Variants in BMPR2 observed in about 807,000 individuals in gnomAD.
The protein encoded by BMPR2 is bone morphogenetic protein receptor type-2.
A neutral mutation model predicts 100.8 loss-of-function variants in BMPR2; 29 were observed. The ratio of observed to expected loss-of-function variants is 0.29; its 90% CI spans 0.21 to 0.39. The LOEUF is 0.39. BMPR2 is among the 10% of genes least tolerant of loss of function. BMPR2 has a pLI of 1.00. For missense variants in BMPR2, 1,011 were observed against 1,274.5 expected, an observed-to-expected ratio of 0.79 and a Z score of 3.15; for synonymous variants, 382 against 442.3, an observed-to-expected ratio of 0.86 and a Z score of 1.71.
At position 202,559,677 on chromosome 2, in the gene BMPR2, T is replaced by G. The variant is rs1176690762; in HGVS notation, c.2867-19T>G. On this transcript the variant is annotated intron_variant, in intron 12 of 12. Coordinates refer to ENST00000374580, the MANE Select transcript of BMPR2 (RefSeq NM_001204.7). ...TTAAGTTTGTTAAATAGCTCATTTT[T>G]CTGCACTTTTATTTTCAGTAGGTGA... is the stretch of plus-strand genomic sequence containing the variant. The G allele has an allele frequency of 1.2e-6, 2 of 1,613,468 alleles. No homozygotes were observed. The highest frequency in any genetic ancestry group is 4.5e-5 in the East Asian group (2 of 44,882).
chr2:202,511,352 A>G (rs1687620171), intron 3 of BMPR2, among the ~76,000 whole-genome samples: 1 of 152,192 alleles, frequency 6.6e-6, no homozygotes, highest in Admixed American at 6.5e-5. Flanking sequence ...GGGTGTTGTA[A>G]ATAGTGATGC....
rs1295457686 is a variant in BMPR2 at position 202,567,446 on chromosome 2, C to T, written c.*7500C>T. The T allele has an allele frequency of 6.6e-6, 1 of 152,544 alleles. No individual in the cohort carries two copies. Among genetic ancestry groups the T allele is most frequent in the Non-Finnish European group, 1.5e-5 (1 of 68,028 alleles). The allele number at this position is 152,544 out of a possible 1,614,324, so 9.4% of individuals were successfully genotyped here. ...TTCAGTTATTTTGCTTTTGTATAAG[C>T]TGTCTGAAGCCTTGCTATGCTGTAT... On this transcript the variant is annotated 3_prime_UTR_variant, in exon 13 of 13. Transcript: ENST00000374580.
At chr2:202,413,003 T>G (rs1157213674) in intron 1 of BMPR2, among the ~76,000 whole-genome samples, 1 of 152,216 alleles carries the variant, frequency 6.6e-6, no homozygotes, top group Non-Finnish European at 1.5e-5. Flanking sequence ...TCACTGAAAT[T>G]TATTTGTAAC....
chr2:202,467,627 G>A lies in BMPR2; in HGVS notation c.356G>A (p.Ser119Asn). The change falls in exon 3 of 13, where the codon AGC becomes AAC. Residue 119 changes from serine (S) to asparagine (N), a missense_variant. Physicochemically the swap from Ser to Asn is conservative, Grantham distance 46. Coordinates refer to ENST00000374580, the MANE Select transcript of BMPR2 (RefSeq NM_001204.7). ...GGAACATACCGTTTCTGCTGTTGTA[G>A]CACAGATTTATGTAATGTCAACTTT... is the stretch of plus-strand genomic sequence containing the variant. ...QNGTYRFCCC[S>N]TDLCNVNFTE... 1 of 1,611,184 alleles carries A rather than the reference G, an allele frequency of 6.2e-7. No individual in the cohort carries two copies. The highest frequency in any genetic ancestry group is 8.5e-7 in the Non-Finnish European group (1 of 1,177,324).
intron 1 of BMPR2, among the ~76,000 whole-genome samples, chr2:202,392,310 A>G (rs777315736): frequency 2.6e-5 from 4 of 151,920 alleles, no homozygotes; most frequent in African/African-American, 7.3e-5. Flanking sequence ...ACCTCAGGTG[A>G]TCCACCTGCC....
chr2:202,427,539 C>T (rs1414448703), intron 1 of BMPR2, among the ~76,000 whole-genome samples: 1 of 150,254 alleles, frequency 6.7e-6, no homozygotes, highest in East Asian at 1.9e-4. Context: ...GCTTTGTTTT[C>T]CTCTGAACCT....
chr2:202,451,756 T>G (rs931474154), intron 1 of BMPR2, among the ~76,000 whole-genome samples: 1 of 152,150 alleles, frequency 6.6e-6, no homozygotes, highest in African/African-American at 2.4e-5. Flanking sequence ...TTTGTTGTTG[T>G]TGTTGTTTTT....
intron 3 of BMPR2, among the ~76,000 whole-genome samples, chr2:202,494,914 A>G (rs562839142): frequency 1.3e-5 from 2 of 152,316 alleles, no homozygotes; most frequent in South Asian, 2.1e-4. Flanking sequence ...TTTATAATGA[A>G]ATGGGAAAAG....
Position 202,428,289 on chromosome 2 carries a change from TGTC to T in BMPR2, c.77-36519_77-36517del, listed in dbSNP as rs376116753. ...CTACACACTGCCAGTCTCTCTCCCTTGTCATACTGTCAGAGTCCCTATTTCTCT... is the reference window on the plus strand; with the variant it reads ...CTACACACTGCCAGTCTCTCTCCCTTATACTGTCAGAGTCCCTATTTCTCT... On this transcript the variant is annotated intron_variant, in intron 1 of 12. Transcript: ENST00000374580. 7.2e-5 allele frequency among the ~76,000 whole-genome samples: 11 copies of T among 152,122 alleles called. No homozygotes were observed. In the East Asian group the frequency reaches 1.9e-3, roughly 27 times the overall value.
At chr2:202,390,777 T>G (rs535771413) in intron 1 of BMPR2, among the ~76,000 whole-genome samples, 1 of 152,286 alleles carries the variant, frequency 6.6e-6, no homozygotes, top group South Asian at 2.1e-4. Flanking sequence ...TGTCAGCCAG[T>G]TGTATTTCTC....
rs975351818 is a variant in BMPR2, at chr2:202,562,549, TA to T, written c.*2606del. 2.0e-5 allele frequency: 3 copies of T among 152,556 alleles called. No individual in the cohort carries two copies. The highest frequency in any genetic ancestry group is 1.5e-5 in the Non-Finnish European group (1 of 68,024). 9.5% of individuals were successfully genotyped at this position (152,556 alleles called of 1,614,324 possible). A position where few individuals can be genotyped will look rare whatever the true frequency, so the allele number is the denominator to read the frequency against. On this transcript the variant is annotated 3_prime_UTR_variant, in exon 13 of 13. Transcript: ENST00000374580. The stretch of plus-strand genomic sequence containing the variant: ...TTGTATGCTAATACTCATCTGATAA[TA>T]AATGCTTCTTAAAGTTGACATTTAA...
At chr2:202,430,516 TTAAG>T (rs1420036346) in intron 1 of BMPR2, among the ~76,000 whole-genome samples, 1 of 152,184 alleles carries the variant, frequency 6.6e-6, no homozygotes, top group Non-Finnish European at 1.5e-5. Context: ...TGATGTATAT[TTAAG>T]TAAGGTAGAC....
chr2:202,394,301 A>G, intron 1 of BMPR2, among the ~76,000 whole-genome samples: 1 of 152,068 alleles, frequency 6.6e-6, no homozygotes, highest in East Asian at 1.9e-4. Flanking sequence ...CAGTGAGCCA[A>G]GATCGTGCCA....
intron 1 of BMPR2, among the ~76,000 whole-genome samples, chr2:202,425,267 A>G (rs1691363001): frequency 6.6e-6 from 1 of 152,198 alleles, no homozygotes; most frequent in Non-Finnish European, 1.5e-5. Context: ...CCCTTGCCCC[A>G]GCCAGAATAG....
chr2:202,507,912 C>T (rs184784245), intron 3 of BMPR2, among the ~76,000 whole-genome samples: 104 of 151,400 alleles, frequency 6.9e-4, no homozygotes, highest in African/African-American at 2.4e-3. Flanking sequence ...GTTGGCTAGG[C>T]TGGTCTCGAG....
intron 1 of BMPR2, among the ~76,000 whole-genome samples, chr2:202,459,861 A>G (rs1692191341): frequency 1.3e-5 from 2 of 152,370 alleles, no homozygotes; most frequent in Admixed American, 6.5e-5. Flanking sequence ...TTTGCAAACT[A>G]TGCAACTGAC....
chr2:202,424,113 CCTGTGATCCCAGCACTTT>C (rs1691331481), intron 1 of BMPR2, among the ~76,000 whole-genome samples: 1 of 150,624 alleles, frequency 6.6e-6, no homozygotes, highest in Non-Finnish European at 1.5e-5. Context: ...GTGGCTCACC[CCTGTGATCCCAGCACTTT>C]GAGAGGCCGA....
At chr2:202,456,929 A>T (rs968349700) in intron 1 of BMPR2, among the ~76,000 whole-genome samples, 1 of 152,230 alleles carries the variant, frequency 6.6e-6, no homozygotes, top group Non-Finnish European at 1.5e-5. Context: ...GGTGTCTCTT[A>T]GAAGACACAC....
chr2:202,525,416 C>T (rs1232841154), intron 7 of BMPR2, among the ~76,000 whole-genome samples: 4 of 151,984 alleles, frequency 2.6e-5, no homozygotes, highest in South Asian at 4.2e-4. Context: ...AAGATGGTCT[C>T]GATCTCCTGA....
Sources: allele counts gnomAD v4.1 joint callset (sites outside exome capture counted in the v4.1 genomes callset), GRCh38; gene constraint gnomAD v4.1.1; transcripts MANE v1.5; gene names NCBI Gene and HGNC (gene_info 2026-07-23, HGNC 2026-07-21).